TRPC1: variants seen among roughly 807,000 people sequenced by gnomAD.
The protein encoded by TRPC1 is short transient receptor potential channel 1.
A neutral mutation model predicts 88.2 loss-of-function variants in TRPC1; 42 were observed. The ratio of observed to expected loss-of-function variants is 0.48; its 90% CI spans 0.37 to 0.62. TRPC1 has a LOEUF of 0.62. TRPC1 is among the 20% of genes least tolerant of loss of function. The pLI, the probability that TRPC1 is intolerant of heterozygous loss-of-function variation, is 0.00. For missense variants in TRPC1, 699 were observed against 957.3 expected (o/e 0.73, Z 3.56); for synonymous variants, 288 against 331.8 (o/e 0.87, Z 1.43).
At chr3:142,744,260 A>T (rs947458016) in intron 3 of TRPC1, among the ~76,000 whole-genome samples, 12 of 151,996 alleles carry the variant, frequency 7.9e-5, no homozygotes, top group South Asian at 4.2e-4. Context: ...TTGAAAATTT[A>T]AAAAAAATCA....
At chr3:142,783,860 T>C (rs948974111) in intron 6 of TRPC1, among the ~76,000 whole-genome samples, 3 of 151,828 alleles carry the variant, frequency 2.0e-5, no homozygotes, top group Non-Finnish European at 1.5e-5. Context: ...ATATATAGAA[T>C]TATCAGGACC....
At chr3:142,748,956 T>C (rs966775248) in intron 4 of TRPC1, among the ~76,000 whole-genome samples, 1 of 152,208 alleles carries the variant, frequency 6.6e-6, no homozygotes, top group African/African-American at 2.4e-5. Flanking sequence ...GAGGATTGAT[T>C]GACCAAGAAA....
At chr3:142,736,104 T>C (rs1934127033) in intron 1 of TRPC1, among the ~76,000 whole-genome samples, 1 of 152,148 alleles carries the variant, frequency 6.6e-6, no homozygotes, top group South Asian at 2.1e-4. Flanking sequence ...TCTCCTCTTA[T>C]GATCATTCAG....
chr3:142,781,733 T>C (rs1328542282), intron 6 of TRPC1, among the ~76,000 whole-genome samples: 1 of 152,144 alleles, frequency 6.6e-6, no homozygotes, highest in Non-Finnish European at 1.5e-5. Flanking sequence ...GATATTCATA[T>C]GTAGATAATA....
chr3:142,736,192 G>A (rs1577945291), intron 1 of TRPC1, among the ~76,000 whole-genome samples, 187 bp from the exon 2 acceptor site: 1 of 151,278 alleles, frequency 6.6e-6, no homozygotes, highest in Admixed American at 6.6e-5. Flanking sequence ...TGCTGCTGAT[G>A]TACGTATTAT....
intron 4 of TRPC1, among the ~76,000 whole-genome samples, chr3:142,752,507 A>G (rs1000272023): frequency 1.3e-5 from 2 of 152,204 alleles, no homozygotes; most frequent in Non-Finnish European, 2.9e-5. Flanking sequence ...CAAATGTACA[A>G]TCGGGTTTTA....
At chr3:142,775,714 T>C (rs963680728) in intron 4 of TRPC1, among the ~76,000 whole-genome samples, 3 of 151,948 alleles carry the variant, frequency 2.0e-5, no homozygotes, top group Admixed American at 1.3e-4. Flanking sequence ...GGATAAATAA[T>C]CATTACAAAA....
chr3:142,785,685 G>A (rs1288880687), intron 7 of TRPC1, among the ~76,000 whole-genome samples: 10 of 152,102 alleles, frequency 6.6e-5, no homozygotes, highest in Non-Finnish European at 1.5e-5. Flanking sequence ...ATTTTTAGTA[G>A]AGATGGGGTT....
intron 1 of TRPC1, among the ~76,000 whole-genome samples, chr3:142,725,819 C>A (rs1933650817): frequency 6.6e-6 from 1 of 152,150 alleles, no homozygotes; most frequent in South Asian, 2.1e-4. Flanking sequence ...TGACAGCCTT[C>A]CTAACCTCTC....
At chr3:142,782,400 G>A (rs780149292) in intron 6 of TRPC1, among the ~76,000 whole-genome samples, 6 of 152,118 alleles carry the variant, frequency 3.9e-5, no homozygotes, top group Non-Finnish European at 7.3e-5. Flanking sequence ...CAGTGGGGAA[G>A]ATATTTTCTC....
Position 142,781,555 on chromosome 3 carries a change from TA to T in TRPC1, c.960+527del, listed in dbSNP as rs558003349. Among the ~76,000 whole-genome samples the T allele has an allele frequency of 1.6e-4, 24 of 152,214 alleles. No individual in the cohort carries two copies. In the South Asian group the frequency reaches 3.7e-3, roughly 24 times the overall value. The stretch of plus-strand genomic sequence containing the variant: ...ATTGTGAAACTCAAAAGTGGAGAGG[TA>T]CATGATATGATAACTAAGTTGAATC... On this transcript the variant is annotated intron_variant, in intron 6 of 12. Coordinates refer to ENST00000476941, the MANE Select transcript of TRPC1 (RefSeq NM_001251845.2).
At chr3:142,765,851 C>G (rs1386424363) in intron 4 of TRPC1, among the ~76,000 whole-genome samples, 1 of 151,900 alleles carries the variant, frequency 6.6e-6, no homozygotes, top group Non-Finnish European at 1.5e-5. Flanking sequence ...TATCCACAAC[C>G]TATAAAGAAC....
chr3:142,803,634 T>C (rs369609200), intron 10 of TRPC1, among the ~76,000 whole-genome samples: 1 of 152,136 alleles, frequency 6.6e-6, no homozygotes, highest in East Asian at 1.9e-4. Flanking sequence ...TTTGCCCTTG[T>C]AAGGATTTTG....
intron 4 of TRPC1, among the ~76,000 whole-genome samples, chr3:142,770,156 G>A (rs1319816851): frequency 7.3e-6 from 1 of 137,772 alleles, no homozygotes; most frequent in East Asian, 2.3e-4. Flanking sequence ...GGAATGCAGT[G>A]GTGCAATCTT....
At chr3:142,754,112 A>AAG (rs1452799942) in intron 4 of TRPC1, among the ~76,000 whole-genome samples, 4 of 148,878 alleles carry the variant, frequency 2.7e-5, no homozygotes, top group Non-Finnish European at 4.4e-5. Flanking sequence ...AAAAAAAAAA[A>AAG]AGAGAGAGAC....
intron 4 of TRPC1, among the ~76,000 whole-genome samples, chr3:142,777,141 T>A (rs1217828881): frequency 1.3e-5 from 2 of 152,024 alleles, no homozygotes; most frequent in African/African-American, 4.8e-5. Context: ...CATGACCCTG[T>A]CTCTATAAAA....
intron 11 of TRPC1, 24 bp downstream of exon 11, chr3:142,804,202 T>G (rs1245084709): frequency 2.5e-6 from 4 of 1,611,126 alleles, no homozygotes; most frequent in Non-Finnish European, 3.4e-6. Flanking sequence ...TTTAAAAACT[T>G]TATATTCTCC....
rs1466280756 is a variant in TRPC1, at chr3:142,764,549, AG to A, written c.633-13080del. On this transcript the variant is annotated intron_variant, in intron 4 of 12. Coordinates refer to ENST00000476941, the MANE Select transcript of TRPC1 (RefSeq NM_001251845.2). Reference sequence around the variant, plus strand: ...TCTGGATACAAAACACTTGGATGGCAGGGCTTTTTTTTCCCTTTGGGCACTT... The same window carrying A: ...TCTGGATACAAAACACTTGGATGGCAGGCTTTTTTTTCCCTTTGGGCACTT... Among the ~76,000 whole-genome samples, 4 of 152,232 alleles carry A rather than the reference AG, an allele frequency of 2.6e-5. No homozygotes were observed. The East Asian group carries it at 7.7e-4, about 29-fold the overall frequency.
intron 5 of TRPC1, 34 bp downstream of exon 5, chr3:142,777,797 GT>G (rs773055471): frequency 1.1e-5 from 17 of 1,578,630 alleles, no homozygotes; most frequent in Non-Finnish European, 1.4e-5. Context: ...AATGTATTTT[GT>G]TTTAAATCTT....
Sources: allele counts gnomAD v4.1 joint callset (sites outside exome capture counted in the v4.1 genomes callset), GRCh38; gene constraint gnomAD v4.1.1; transcripts MANE v1.5; gene names NCBI Gene and HGNC (gene_info 2026-07-23, HGNC 2026-07-21).